The following OTOL1 variants were observed in gnomAD, a reference collection of about 807,000 sequenced individuals.
OTOL1 encodes otolin-1.
Under a neutral mutation model 25.0 loss-of-function variants are expected in OTOL1, and 31 were observed. The ratio of observed to expected loss-of-function variants is 1.24; its 90% CI spans 0.93 to 1.67. OTOL1 has a LOEUF of 1.67. Ranked by LOEUF, OTOL1 falls within the 40% of genes most tolerant of loss-of-function variation. The probability of loss-of-function intolerance (pLI) is 0.00; values close to 1 mark genes in which losing one functional copy is unlikely to be tolerated. For missense variants in OTOL1, 654 were observed against 587.7 expected (o/e 1.11, Z -1.17); for synonymous variants, 225 against 210.3 (o/e 1.07, Z -0.61).
Position 161,502,366 on chromosome 3 carries a change from C to T in OTOL1, c.514C>T (p.Gln172Ter), listed in dbSNP as rs1431252020. The change falls in exon 3 of 4, where the codon CAA becomes TAA. Residue 172 changes from glutamine (Q) to a stop codon, truncating the protein, a stop_gained. Transcript: ENST00000327928. LOFTEE classifies it low-confidence loss of function (END_TRUNC). The part of the protein sequence containing the change: ...VPGYPGKPGA[Q>*]GEPGPKGDKG... ...AGGATACCCAGGAAAACCGGGAGCA[C>T]AAGGTAGAGCATGAAATGTATCTAC... 3 of 1,612,444 alleles carry T rather than the reference C, an allele frequency of 1.9e-6. No homozygotes were observed. Among genetic ancestry groups the T allele is most frequent in the Non-Finnish European group, 2.5e-6 (3 of 1,179,096 alleles).
rs756973157 is a variant in OTOL1, at chr3:161,503,873, T to C, written c.1365T>C (p.Ser455=). Residue 455 remains serine, a synonymous_variant, in exon 4 of 4, where the codon AGT becomes AGC. Coordinates refer to ENST00000327928, the MANE Select transcript of OTOL1 (RefSeq NM_001080440.1). ...VSKDWNGVYV[S]AEDDSIFTGF... ...AAGATTGGAATGGGGTGTATGTCAG[T>C]GCTGAGGATGACAGCATTTTTACTG... 2.5e-6 allele frequency: 4 copies of C among 1,613,754 alleles called. No homozygotes were observed. Among genetic ancestry groups the C allele is most frequent in the Non-Finnish European group, 2.5e-6 (3 of 1,179,874 alleles).
In OTOL1 at chr3:161,503,038, C is replaced by T. The variant is rs2108230167; in HGVS notation, c.530C>T (p.Pro177Leu). ...GKPGAQGEPG[P>L]KGDKGNIGLG... ...TTTTCCATTTCAGGTGAACCTGGCC[C>T]TAAGGGAGATAAAGGAAACATTGGT... Residue 177 changes from proline (P) to leucine (L), a missense_variant, in exon 4 of 4, where the codon CCT (proline) becomes CTT (leucine). By Grantham distance (98) the Pro-to-Leu change is moderately conservative. Coordinates refer to ENST00000327928, the MANE Select transcript of OTOL1 (RefSeq NM_001080440.1). 1.5e-6 allele frequency: 2 copies of T among 1,351,554 alleles called. No individual in the cohort carries two copies. Among genetic ancestry groups the T allele is most frequent in the Middle Eastern group, 1.9e-4 (1 of 5,168 alleles). 83.7% of individuals were successfully genotyped at this position (1,351,554 alleles called of 1,614,324 possible). A position where few individuals can be genotyped will look rare whatever the true frequency, so the allele number is the denominator to read the frequency against.
rs1471655559 is a variant in OTOL1, at chr3:161,503,715, A to T, written c.1207A>T (p.Ile403Phe). The T allele has an allele frequency of 1.2e-6, 2 of 1,613,800 alleles. No homozygotes were observed. Among genetic ancestry groups the T allele is most frequent in the East Asian group, 2.2e-5 (1 of 44,848 alleles). The change falls in exon 4 of 4, where the codon ATC becomes TTC. Residue 403 changes from isoleucine to phenylalanine, a missense_variant. By Grantham distance (21) the Ile-to-Phe change is conservative. Coordinates refer to ENST00000327928, the MANE Select transcript of OTOL1 (RefSeq NM_001080440.1). ...TACGGTGAGGGGGCGACCTGCTCGA[A>T]TCAGTCTGGTGGCCCAGAATAAGAA... ...HITVRGRPAR[I>F]SLVAQNKKQF...
rs749913862 is a variant in OTOL1, at chr3:161,502,371, T to G, written c.517+2T>G. ...ACCCAGGAAAACCGGGAGCACAAGGTAGAGCATGAAATGTATCTACTGTGT... is the reference window on the plus strand; with the variant it reads ...ACCCAGGAAAACCGGGAGCACAAGGGAGAGCATGAAATGTATCTACTGTGT... On this transcript the variant is annotated splice_donor_variant, in intron 3 of 3. Transcript: ENST00000327928. LOFTEE classifies it high-confidence loss of function. 1 of 1,612,310 alleles carries G rather than the reference T, an allele frequency of 6.2e-7. No individual in the cohort carries two copies. The highest frequency in any genetic ancestry group is 1.7e-5 in the Admixed American group (1 of 59,934).
At position 161,497,213 on chromosome 3, in the gene OTOL1, TG is replaced by T. The variant is rs773932865; in HGVS notation, c.364+44del. On this transcript the variant is annotated intron_variant, in intron 1 of 3. Transcript: ENST00000327928. The stretch of plus-strand genomic sequence containing the variant: ...GAAGTCATGTTTCTCACTTGTACAT[TG>T]GTAGAGTTGAGAGGTAGGTTGTCGG... 3.8e-6 allele frequency: 6 copies of T among 1,559,372 alleles called. No homozygotes were observed. The African/African-American group carries it at 8.2e-5, about 21-fold the overall frequency.
rs1203689725 is a variant in OTOL1, at chr3:161,503,701, G to A, written c.1193G>A (p.Gly398Glu). 3 of 1,613,660 alleles carry A rather than the reference G, an allele frequency of 1.9e-6. No homozygotes were observed. Among genetic ancestry groups the A allele is most frequent in the Non-Finnish European group, 8.5e-7 (1 of 1,179,772 alleles). ...TTTTCCTACCATATTACGGTGAGGG[G>A]GCGACCTGCTCGAATCAGTCTGGTG... is the stretch of plus-strand genomic sequence containing the variant. ...YVFSYHITVR[G>E]RPARISLVAQ... Residue 398 changes from glycine (G) to glutamate (E), a missense_variant, in exon 4 of 4, where the codon GGG becomes GAG. By Grantham distance (98) the Gly-to-Glu change is moderately conservative. Transcript: ENST00000327928.
chr3:161,502,414 A>G, intron 3 of OTOL1, 45 bp downstream of exon 3: 1 of 1,456,484 alleles, frequency 6.9e-7, no homozygotes, highest in Non-Finnish European at 9.6e-7. Context: ...GGTGCGCAGT[A>G]TAGCCCTTCA....
chr3:161,499,097 T>C, intron 1 of OTOL1, 74 bp from the exon 2 acceptor site: 2 of 1,224,416 alleles, frequency 1.6e-6, no homozygotes, highest in Non-Finnish European at 2.3e-6. Flanking sequence ...GTAAAATGCT[T>C]TTTTTCTTTC....
At chr3:161,499,513 T>G (rs1718919344) in intron 2 of OTOL1, among the ~76,000 whole-genome samples, 1 of 152,300 alleles carries the variant, frequency 6.6e-6, no homozygotes, top group Non-Finnish European at 1.5e-5. Flanking sequence ...CCATCTCTCA[T>G]TGGTCACCTA....
chr3:161,503,002 CATT>C (rs1319652526), intron 3 of OTOL1, 21 bp from the exon 4 acceptor site: 10 of 1,310,306 alleles, frequency 7.6e-6, no homozygotes, highest in Non-Finnish European at 9.8e-6. Context: ...GATCCTTAAA[CATT>C]ATTTTAATTT....
In OTOL1 at chr3:161,503,882, T is replaced by A. The variant is rs765579214; in HGVS notation, c.1374T>A (p.Asp458Glu). ...ATGGGGTGTATGTCAGTGCTGAGGA[T>A]GACAGCATTTTTACTGGGTTCCTTT... Reference protein sequence around the residue: ...DWNGVYVSAEDDSIFTGFLLY... With the variant: ...DWNGVYVSAEEDSIFTGFLLY... Residue 458 changes from aspartate to glutamate, a missense_variant, in exon 4 of 4, where the codon GAT becomes GAA. Asp to Glu is a conservative substitution (Grantham distance 45). Coordinates refer to ENST00000327928, the MANE Select transcript of OTOL1 (RefSeq NM_001080440.1). The A allele has an allele frequency of 6.2e-7, 1 of 1,613,696 alleles. No homozygotes were observed. Among genetic ancestry groups the A allele is most frequent in the Non-Finnish European group, 8.5e-7 (1 of 1,179,854 alleles).
intron 1 of OTOL1, among the ~76,000 whole-genome samples, 185 bp from the exon 2 acceptor site, chr3:161,498,986 G>A (rs1273073046): frequency 6.6e-6 from 1 of 152,156 alleles, no homozygotes; most frequent in South Asian, 2.1e-4. Context: ...TATTCAGGTA[G>A]TACGAAATTG....
Position 161,503,303 on chromosome 3 carries a change from A to C in OTOL1, c.795A>C (p.Lys265Asn), listed in dbSNP as rs370649390. 1.4e-4 allele frequency: 212 copies of C among 1,521,602 alleles called. 1 individual carries two copies. The South Asian group carries it at 2.3e-3, about 17-fold the overall frequency. The allele number at this position is 1,521,602 out of a possible 1,614,324, so 94.3% of individuals were successfully genotyped here. ...GTGAGGGGGGTATGAAAGGGGAAAA[A>C]GGTAGCAAAGGAGACAGTGGAATGG... ...QKGEGGMKGEKGSKGDSGMEG... is the reference protein window; with the variant it reads ...QKGEGGMKGENGSKGDSGMEG... The change falls in exon 4 of 4, where the codon AAA becomes AAC. Residue 265 changes from lysine (K) to asparagine (N), a missense_variant. Physicochemically the swap from Lys to Asn is moderately conservative, Grantham distance 94. Coordinates refer to ENST00000327928, the MANE Select transcript of OTOL1 (RefSeq NM_001080440.1).
intron 1 of OTOL1, among the ~76,000 whole-genome samples, chr3:161,497,517 C>G (rs546781236): frequency 2.0e-5 from 3 of 152,234 alleles, no homozygotes; most frequent in African/African-American, 7.2e-5. Flanking sequence ...GAATTACCAA[C>G]TCCAGCATGG....
At chr3:161,502,055 A>G (rs1005428485) in intron 2 of OTOL1, among the ~76,000 whole-genome samples, 2 of 152,100 alleles carry the variant, frequency 1.3e-5, no homozygotes, top group African/African-American at 4.8e-5. Context: ...TTTTGTAGAG[A>G]TGGGGTTTCA....
rs762862745 is a variant in OTOL1 at position 161,503,781 on chromosome 3, G to A, written c.1273G>A (p.Asp425Asn). Residue 425 changes from aspartate to asparagine, a missense_variant, in exon 4 of 4, where the codon GAC becomes AAC. By Grantham distance (23) the Asp-to-Asn change is conservative (BLOSUM62 1). Coordinates refer to ENST00000327928, the MANE Select transcript of OTOL1 (RefSeq NM_001080440.1). ...SRETLYGQEI[D>N]QASLLVILKL... Reference sequence around the variant, plus strand: ...AGAAACTCTCTATGGTCAGGAAATAGACCAGGCCTCTCTCCTCGTCATCTT... The same window carrying A: ...AGAAACTCTCTATGGTCAGGAAATAAACCAGGCCTCTCTCCTCGTCATCTT... 2.5e-6 allele frequency: 4 copies of A among 1,613,794 alleles called. No individual in the cohort carries two copies. The Admixed American group carries it at 5.0e-5, about 20-fold the overall frequency.
intron 2 of OTOL1, among the ~76,000 whole-genome samples, chr3:161,500,489 A>G (rs990530879): frequency 6.6e-6 from 1 of 152,206 alleles, no homozygotes; most frequent in Admixed American, 6.5e-5. Context: ...TCATTCAGCC[A>G]TTCTTTATAA....
In OTOL1 at chr3:161,497,010, C is replaced by A. The variant is rs756327245; in HGVS notation, c.203C>A (p.Pro68Gln). The A allele has an allele frequency of 1.1e-5, 18 of 1,613,504 alleles. No homozygotes were observed. The highest frequency in any genetic ancestry group is 9.9e-5 in the South Asian group (9 of 91,082). ...ACAGAAATGGCTGAAATGGCAGAAC[C>A]AATTACCAAACCCTCGGCCTTGGAT... ...LFTEMAEMAE[P>Q]ITKPSALDSV... Residue 68 changes from proline to glutamine, a missense_variant, in exon 1 of 4, where the codon CCA becomes CAA. Physicochemically the swap from Pro to Gln is moderately conservative, Grantham distance 76. Coordinates refer to ENST00000327928, the MANE Select transcript of OTOL1 (RefSeq NM_001080440.1).
At chr3:161,499,357 C>T (rs1313126693) in intron 2 of OTOL1, 97 bp downstream of exon 2, 1 of 849,606 alleles carries the variant, frequency 1.2e-6, no homozygotes, top group Non-Finnish European at 1.8e-6. Context: ...GCAGATGAGT[C>T]AATTTTAAAA....
Sources: gnomAD v4.1 joint callset for allele counts (sites outside exome capture counted in the v4.1 genomes callset) on GRCh38, gnomAD v4.1.1 for gene constraint, MANE v1.5 for transcripts, NCBI Gene and HGNC (gene_info 2026-07-23, HGNC 2026-07-21) for gene names.